SEPTIN5: variants seen among roughly 807,000 people sequenced by gnomAD.
The protein encoded by SEPTIN5 is septin-5.
A neutral mutation model predicts 51.2 loss-of-function variants in SEPTIN5; 16 were observed. The observed-to-expected ratio is 0.31, with a 90% CI of 0.21 to 0.47. The LOEUF is 0.47. SEPTIN5 is among the 20% of genes least tolerant of loss of function. SEPTIN5 has a pLI of 0.99. For synonymous variants in SEPTIN5, 208 were observed against 191.2 expected, an observed-to-expected ratio of 1.09 and a Z score of -0.72; for missense variants, 376 against 500.3, an observed-to-expected ratio of 0.75 and a Z score of 2.37.
At chr22:19,717,969 G>C (rs1306018007) in intron 2 of SEPTIN5, 1 of 153,964 alleles carries the variant, frequency 6.5e-6, no homozygotes, top group African/African-American at 2.4e-5. Flanking sequence ...CCCAAGCAGG[G>C]CTGGGGAGGG....
At chr22:19,720,946 T>C (rs1936018917) in intron 8 of SEPTIN5, 77 bp downstream of exon 8, 4 of 1,318,136 alleles carry the variant, frequency 3.0e-6, no homozygotes, top group East Asian at 4.6e-5. Flanking sequence ...CTCCTTCACA[T>C]TGAGCCTGCT....
intron 4 of SEPTIN5, 70 bp downstream of exon 4, chr22:19,719,962 C>A: frequency 6.2e-7 from 1 of 1,602,750 alleles, no homozygotes; most frequent in South Asian, 1.1e-5. Flanking sequence ...CAAGGACTCC[C>A]TTTCAGGTCC....
chr22:19,716,593 C>T (rs747828121), intron 2 of SEPTIN5, among the ~76,000 whole-genome samples: 62 of 152,208 alleles, frequency 4.1e-4, no homozygotes, highest in Non-Finnish European at 7.2e-4. Context: ...GTGGCAGGTA[C>T]GGCCCCTTCC....
At position 19,720,230 on chromosome 22, in the gene SEPTIN5, C is replaced by T; in HGVS notation, c.354C>T (p.Asn118=). 6.2e-7 allele frequency: 1 copy of T among 1,613,542 alleles called. No homozygotes were observed. The highest frequency in any genetic ancestry group is 8.5e-7 in the Non-Finnish European group (1 of 1,180,002). ...DTPGFGDAVN[N]TECWKPITDY... ...CGGGATTCGGGGACGCTGTCAACAA[C>T]ACCGAGTGGTGAGTGAGGCCTGCTG... Residue 118 remains asparagine, a synonymous_variant, in exon 5 of 12, where the codon AAC becomes AAT. Transcript: ENST00000455784.
intron 2 of SEPTIN5, chr22:19,717,301 C>T (rs1183734865): frequency 2.1e-6 from 1 of 470,770 alleles, no homozygotes; most frequent in Admixed American, 2.3e-5. Flanking sequence ...CTGGGCTTGC[C>T]TGTTGGGATT....
In SEPTIN5 at chr22:19,714,729, C is replaced by T. The variant is rs945453812; in HGVS notation, c.44-52C>T. ...CTCCGTCTCTCCCCCGCCCGCCGGC[C>T]CGGACCCGCTCGGAACCGGACCCGG... On this transcript the variant is annotated intron_variant, in intron 1 of 11. Transcript: ENST00000455784. The surrounding 1 kb of genome is among the most constrained non-coding windows in gnomAD (Gnocchi z 5.2). The T allele has an allele frequency of 1.0e-4, 164 of 1,570,926 alleles. No homozygotes were observed. Among genetic ancestry groups the T allele is most frequent in the Middle Eastern group, 3.8e-4 (2 of 5,258 alleles).
At chr22:19,722,393 G>T (rs937440037) in intron 11 of SEPTIN5, 35 bp from the exon 12 acceptor site, 2 of 1,593,806 alleles carry the variant, frequency 1.3e-6, no homozygotes, top group African/African-American at 1.3e-5. Context: ...CTCCTCCGCG[G>T]TGCTGCTCAC....
chr22:19,714,505 C>G lies in SEPTIN5; in HGVS notation c.-84C>G. 1.5e-5 allele frequency: 14 copies of G among 928,244 alleles called. No individual in the cohort carries two copies. Among genetic ancestry groups the G allele is most frequent in the African/African-American group, 1.8e-5 (1 of 56,602 alleles). 57.5% of individuals were successfully genotyped at this position (928,244 alleles called of 1,614,324 possible). A position where few individuals can be genotyped will look rare whatever the true frequency, so the allele number is the denominator to read the frequency against. On this transcript the variant is annotated 5_prime_UTR_variant, in exon 1 of 12. Coordinates refer to ENST00000455784, the MANE Select transcript of SEPTIN5 (RefSeq NM_002688.6). This position sits in a 1 kb window ranked among gnomAD's most constrained non-coding sequence, Gnocchi z 5.2. ...GCGGCGGCGCGGAGGGGCCGCTCAC[C>G]CCGCAGCCCGGCCTCGGCCTCCGCC... is the stretch of plus-strand genomic sequence containing the variant.
In SEPTIN5 at chr22:19,722,258, C is replaced by T. The variant is rs1936058564; in HGVS notation, c.972C>T (p.Arg324=). ...QMTSKLTQDS[R]MESPIPILPL... is the part of the protein sequence containing the mutation. ...GCAGCAAACTGACCCAGGACAGCCG[C>T]ATGGAGAGCCCCATCCCGATCCTGC... The change falls in exon 11 of 12, where the codon CGC becomes CGT. Residue 324 remains arginine, a synonymous_variant. Coordinates refer to ENST00000455784, the MANE Select transcript of SEPTIN5 (RefSeq NM_002688.6). 3 of 1,609,634 alleles carry T rather than the reference C, an allele frequency of 1.9e-6. No individual in the cohort carries two copies. The highest frequency in any genetic ancestry group is 1.7e-6 in the Non-Finnish European group (2 of 1,178,696).
At chr22:19,718,555 G>T in intron 2 of SEPTIN5, 1 of 1,287,990 alleles carries the variant, frequency 7.8e-7, no homozygotes, top group Non-Finnish European at 9.8e-7. Context: ...CGGCCTCGGG[G>T]GTCGACGATC....
At chr22:19,717,735 G>T (rs1456066129) in intron 2 of SEPTIN5, 1 of 255,684 alleles carries the variant, frequency 3.9e-6, no homozygotes, top group South Asian at 3.9e-5. Context: ...GCCCTCCTCC[G>T]GTCCCCCGAA....
intron 2 of SEPTIN5, among the ~76,000 whole-genome samples, chr22:19,715,784 C>T (rs1270741814): frequency 6.6e-6 from 1 of 152,170 alleles, no homozygotes; most frequent in Non-Finnish European, 1.5e-5. Context: ...TGCCATTCTC[C>T]TGGAAGGGAC....
Position 19,720,014 on chromosome 22 carries a change from G to A in SEPTIN5, c.239-101G>A, listed in dbSNP as rs1021031028. On this transcript the variant is annotated intron_variant, in intron 4 of 11. Transcript: ENST00000455784. ...TTCTCGCGGTGTGGGTCCCCTGGGG[G>A]TAGGGCCAAGGCACCAAGATGGATG... is the stretch of plus-strand genomic sequence containing the variant. 3 of 1,602,844 alleles carry A rather than the reference G, an allele frequency of 1.9e-6. No homozygotes were observed. The African/African-American group carries it at 4.0e-5, about 21-fold the overall frequency.
At position 19,721,931 on chromosome 22, in the gene SEPTIN5, C is replaced by G. The variant is rs767456842; in HGVS notation, c.924C>G (p.Arg308=). ...VTCDVHYENY[R]AHCIQQMTSK... is the part of the protein sequence containing the mutation. Reference sequence around the variant, plus strand: ...GCGACGTGCACTACGAGAACTACCGCGCGCACTGCATCCAGCAGATGACCA... The same window carrying G: ...GCGACGTGCACTACGAGAACTACCGGGCGCACTGCATCCAGCAGATGACCA... Residue 308 remains arginine (R), a synonymous_variant, in exon 10 of 12, where the codon CGC becomes CGG. Transcript: ENST00000455784. 3 of 1,611,094 alleles carry G rather than the reference C, an allele frequency of 1.9e-6. No homozygotes were observed. Among genetic ancestry groups the G allele is most frequent in the South Asian group, 1.1e-5 (1 of 91,042 alleles).
At chr22:19,716,301 C>T (rs758281195) in intron 2 of SEPTIN5, among the ~76,000 whole-genome samples, 33 of 152,224 alleles carry the variant, frequency 2.2e-4, no homozygotes, top group Non-Finnish European at 4.4e-4. Flanking sequence ...CTGCTACCAC[C>T]GTTGCTGAGC....
chr22:19,716,134 C>A (rs1026615546), intron 2 of SEPTIN5, among the ~76,000 whole-genome samples: 1 of 152,156 alleles, frequency 6.6e-6, no homozygotes, highest in Non-Finnish European at 1.5e-5. Context: ...TGAGGTCAAC[C>A]GGGAGTCCAC....
At chr22:19,719,144 G>A (rs1935971309) in intron 2 of SEPTIN5, 2 of 243,040 alleles carry the variant, frequency 8.2e-6, no homozygotes, top group Non-Finnish European at 1.6e-5. Flanking sequence ...CGCCACCGCC[G>A]CTGCCGCCGC....
At position 19,723,001 on chromosome 22, in the gene SEPTIN5, C is replaced by G. The variant is rs529221310; in HGVS notation, c.*517C>G. The G allele has an allele frequency of 1.6e-5, 7 of 446,864 alleles. No homozygotes were observed. Among genetic ancestry groups the G allele is most frequent in the Non-Finnish European group, 3.0e-5 (7 of 236,352 alleles). The allele number at this position is 446,864 out of a possible 1,614,324, so 27.7% of individuals were successfully genotyped here. On this transcript the variant is annotated 3_prime_UTR_variant, in exon 12 of 12. Transcript: ENST00000455784. ...AGGGTTGGGCTGAATCAAATGGGAGCCCTCCAGACATAAGGAGGCCAGAGG... is the reference window on the plus strand; with the variant it reads ...AGGGTTGGGCTGAATCAAATGGGAGGCCTCCAGACATAAGGAGGCCAGAGG...
intron 2 of SEPTIN5, chr22:19,717,182 G>A: frequency 2.5e-6 from 1 of 395,544 alleles, no homozygotes; most frequent in South Asian, 1.8e-5. Context: ...GCTGGTGGCG[G>A]GTGGGGTGGG....
Sources: gnomAD v4.1 joint callset for allele counts (sites outside exome capture counted in the v4.1 genomes callset) on GRCh38, gnomAD v4.1.1 for gene constraint, Gnocchi (gnomAD v3.1) non-coding constraint, MANE v1.5 for transcripts, NCBI Gene and HGNC (gene_info 2026-07-23, HGNC 2026-07-21) for gene names.